The following NBEA variants were observed in gnomAD, a reference collection of about 807,000 sequenced individuals.
NBEA encodes the protein neurobeachin, also known as lysosomal-trafficking regulator 2.
NBEA carries 44 observed loss-of-function variants against 343.4 expected under a neutral mutation model. The observed-to-expected ratio is 0.13, with a 90% CI of 0.10 to 0.16. NBEA has a LOEUF of 0.16. Among genes scored for constraint, NBEA ranks in the 10% least tolerant of loss-of-function variants. The pLI is 1.00. For synonymous variants in NBEA, 1,175 were observed against 1,238.7 expected, an observed-to-expected ratio of 0.95 and a Z score of 1.08; for missense variants, 2,555 against 3,631.3, an observed-to-expected ratio of 0.70 and a Z score of 7.62.
chr13:35,192,577 A>G (rs988728243), intron 30 of NBEA, among the ~76,000 whole-genome samples: 10 of 152,104 alleles, frequency 6.6e-5, no homozygotes, highest in African/African-American at 2.4e-4. Context: ...AAATATTTTG[A>G]TGAGCTATTT....
chr13:35,210,478 A>G (rs1458578073), intron 32 of NBEA, among the ~76,000 whole-genome samples: 1 of 152,156 alleles, frequency 6.6e-6, no homozygotes, highest in African/African-American at 2.4e-5. Flanking sequence ...CTCCACAGCT[A>G]CTTAATATAC....
intron 33 of NBEA, among the ~76,000 whole-genome samples, chr13:35,228,325 A>C (rs2074775557): frequency 6.6e-6 from 1 of 150,890 alleles, no homozygotes; most frequent in Non-Finnish European, 1.5e-5. Context: ...AGTGGTTTAT[A>C]ATTTCTCAAG....
At chr13:35,116,007 G>T (rs760124684) in intron 13 of NBEA, among the ~76,000 whole-genome samples, 11 of 152,164 alleles carry the variant, frequency 7.2e-5, no homozygotes, top group Non-Finnish European at 1.3e-4. Context: ...TTCTTGAATG[G>T]AGTGTGGGTG....
At chr13:35,272,491 A>AT (rs1264558955) in intron 34 of NBEA, among the ~76,000 whole-genome samples, 1 of 152,224 alleles carries the variant, frequency 6.6e-6, no homozygotes, top group East Asian at 1.9e-4. Context: ...ACAGGATCAA[A>AT]TTCACACATA....
intron 21 of NBEA, 84 bp downstream of exon 21, chr13:35,157,354 G>A: frequency 9.6e-7 from 1 of 1,043,714 alleles, no homozygotes; most frequent in Admixed American, 3.8e-5. Flanking sequence ...GTGCCATCTT[G>A]TGGGCATCTT....
chr13:35,423,346 C>G (rs9573877), intron 38 of NBEA, among the ~76,000 whole-genome samples: 32,148 of 152,106 alleles, frequency 0.21, 3,577 homozygotes, highest in East Asian at 0.37. Flanking sequence ...AGGAAGGGAT[C>G]CAGTTTCAGC....
intron 10 of NBEA, among the ~76,000 whole-genome samples, chr13:35,083,199 G>C (rs900687079): frequency 2.0e-5 from 3 of 151,996 alleles, no homozygotes; most frequent in African/African-American, 7.3e-5. Context: ...TCTTGTTTTT[G>C]TCAGGTTTGA....
intron 1 of NBEA, 45 bp from the exon 2 acceptor site, chr13:35,040,888 T>C: frequency 6.7e-7 from 1 of 1,496,420 alleles, no homozygotes; most frequent in Non-Finnish European, 9.3e-7. Context: ...CTGTCATCGA[T>C]AACCTCCCAT....
intron 37 of NBEA, among the ~76,000 whole-genome samples, chr13:35,351,503 G>C (rs183115733): frequency 2.0e-5 from 3 of 152,002 alleles, no homozygotes; most frequent in Admixed American, 2.0e-4. Flanking sequence ...CATGACAACT[G>C]ATAATTATGG....
intron 44 of NBEA, among the ~76,000 whole-genome samples, chr13:35,555,459 A>C (rs1242842923): frequency 1.3e-5 from 2 of 152,122 alleles, no homozygotes; most frequent in Non-Finnish European, 2.9e-5. Flanking sequence ...GGAGAATAAC[A>C]ACAGGATTCT....
chr13:35,665,158 A>G lies in NBEA; in HGVS notation c.8436A>G (p.Glu2812=). 1.9e-6 allele frequency: 3 copies of G among 1,591,706 alleles called. No individual in the cohort carries two copies. Among genetic ancestry groups the G allele is most frequent in the East Asian group, 2.3e-5 (1 of 44,428 alleles). The change falls in exon 56 of 59, where the codon GAA becomes GAG. Residue 2812 remains glutamate (E), a synonymous_variant. Coordinates refer to ENST00000379939, the MANE Select transcript of NBEA (RefSeq NM_001385012.1). ...HEVVCVSVCA[E]LGLVISGAKE... Reference sequence around the variant, plus strand: ...TTGTCTGTGTTTCTGTCTGTGCAGAACTTGGGCTTGTTATCAGTGGTGCTA... The same window carrying G: ...TTGTCTGTGTTTCTGTCTGTGCAGAGCTTGGGCTTGTTATCAGTGGTGCTA...
intron 33 of NBEA, among the ~76,000 whole-genome samples, chr13:35,230,423 A>G (rs762437881): frequency 1.9e-4 from 29 of 152,060 alleles, no homozygotes; most frequent in Non-Finnish European, 3.7e-4. Flanking sequence ...CTATGATGCA[A>G]CCCTCCATTA....
intron 41 of NBEA, among the ~76,000 whole-genome samples, chr13:35,541,847 C>T (rs939834967): frequency 2.0e-5 from 3 of 151,818 alleles, no homozygotes; most frequent in African/African-American, 7.3e-5. Context: ...TCCTGTGTGC[C>T]AGGCACTGTG....
At chr13:35,063,252 A>T (rs1281969848) in intron 8 of NBEA, among the ~76,000 whole-genome samples, 2 of 151,982 alleles carry the variant, frequency 1.3e-5, no homozygotes, top group Non-Finnish European at 2.9e-5. Context: ...AACAATTAAA[A>T]CCAACAAAAC....
intron 40 of NBEA, among the ~76,000 whole-genome samples, chr13:35,467,455 G>C (rs1363001079): frequency 1.3e-5 from 2 of 150,840 alleles, no homozygotes; most frequent in East Asian, 3.9e-4. Context: ...CTGGGTGACA[G>C]AGCAAGACTC....
At chr13:35,532,035 G>A (rs763032919) in intron 41 of NBEA, among the ~76,000 whole-genome samples, 1 of 152,064 alleles carries the variant, frequency 6.6e-6, no homozygotes, top group Non-Finnish European at 1.5e-5. Context: ...TTGCTTTGGC[G>A]GCTCATAAAA....
At chr13:35,400,898 G>A (rs1817935088) in intron 38 of NBEA, among the ~76,000 whole-genome samples, 1 of 151,142 alleles carries the variant, frequency 6.6e-6, no homozygotes, top group African/African-American at 2.4e-5. Flanking sequence ...TTCTTTTTCA[G>A]AGTGGCTGTA....
chr13:35,442,680 C>T (rs1366697643), intron 39 of NBEA, among the ~76,000 whole-genome samples: 3 of 152,070 alleles, frequency 2.0e-5, no homozygotes, highest in African/African-American at 7.2e-5. Flanking sequence ...GTTTGTTGGT[C>T]TGCTCTAAAA....
intron 1 of NBEA, among the ~76,000 whole-genome samples, chr13:34,954,077 G>A (rs561040184): frequency 3.5e-4 from 53 of 152,234 alleles, no homozygotes; most frequent in African/African-American, 1.3e-3. Context: ...AAAAGGTTGG[G>A]GATCGCTGCC....
Sources: gnomAD v4.1 joint callset for allele counts (sites outside exome capture counted in the v4.1 genomes callset) on GRCh38, gnomAD v4.1.1 for gene constraint, MANE v1.5 for transcripts, NCBI Gene and HGNC (gene_info 2026-07-23, HGNC 2026-07-21) for gene names.